NDUFA5: variants seen among roughly 807,000 people sequenced by gnomAD.
The protein encoded by NDUFA5 is NADH dehydrogenase [ubiquinone] 1 alpha subcomplex subunit 5.
Under a neutral mutation model 19.8 loss-of-function variants are expected in NDUFA5, and 11 were observed. That is an observed-to-expected ratio of 0.56 (90% confidence interval 0.35 to 0.92). NDUFA5 has a LOEUF of 0.92. Ranked by LOEUF, NDUFA5 falls within the 40% of genes least tolerant of loss-of-function variation. NDUFA5 has a pLI of 0.01. For synonymous variants in NDUFA5, 47 were observed against 46.8 expected (o/e 1.00, Z -0.01); for missense variants, 109 against 134.2 (o/e 0.81, Z 0.93).
At chr7:123,550,677 T>G in intron 2 of NDUFA5, 91 bp from the exon 3 acceptor site, 4 of 653,496 alleles carry the variant, frequency 6.1e-6, no homozygotes, top group Non-Finnish European at 1.0e-5. Flanking sequence ...CAAACAAAAC[T>G]CACATCTGTT....
In NDUFA5 at chr7:123,539,855, A is replaced by G. The variant is rs1797868135; in HGVS notation, c.*2264T>C. ...TATTTGTTCTTTACAGATAATTTTG[A>G]CAGAAAAGGTAAAGAGAGCAGGATC... On this transcript the variant is annotated 3_prime_UTR_variant, in exon 5 of 5. Coordinates refer to ENST00000355749, the MANE Select transcript of NDUFA5 (RefSeq NM_005000.5). The G allele has an allele frequency of 6.6e-6, 1 of 152,208 alleles. No homozygotes were observed. Among genetic ancestry groups the G allele is most frequent in the Admixed American group, 6.5e-5 (1 of 15,282 alleles). 9.4% of individuals were successfully genotyped at this position (152,208 alleles called of 1,614,324 possible). A position where few individuals can be genotyped will look rare whatever the true frequency, so the allele number is the denominator to read the frequency against.
chr7:123,587,597 A>T, the NDUFA5 span, among the ~76,000 whole-genome samples: 2 of 151,650 alleles, frequency 1.3e-5, no homozygotes, highest in Admixed American at 1.3e-4. Flanking sequence ...AGAAGTGACG[A>T]GAGAAGGCTT....
intron 1 of NDUFA5, 79 bp from the exon 2 acceptor site, chr7:123,557,527 C>T (rs769338796): frequency 4.0e-5 from 65 of 1,611,248 alleles, no homozygotes; most frequent in Non-Finnish European, 5.5e-5. Context: ...TACAAAACCA[C>T]GAATCCCCCG....
At chr7:123,556,635 C>A in intron 2 of NDUFA5, 1 of 297,912 alleles carries the variant, frequency 3.4e-6, no homozygotes, top group Non-Finnish European at 6.6e-6. Context: ...GCTATTAGGT[C>A]AATGAAGGTG....
At chr7:123,576,311 ACT>A in the NDUFA5 span, among the ~76,000 whole-genome samples, 3 of 147,142 alleles carry the variant, frequency 2.0e-5, no homozygotes, top group African/African-American at 7.6e-5. Context: ...TGTACTTTTT[ACT>A]CTTTTTTATA....
intron 2 of NDUFA5, among the ~76,000 whole-genome samples, chr7:123,550,995 G>C (rs927658545): frequency 2.0e-5 from 3 of 152,008 alleles, no homozygotes; most frequent in African/African-American, 7.2e-5. Context: ...GCATGATCTT[G>C]GCTCATTGCA....
chr7:123,542,606 A>G (rs1488949294), intron 4 of NDUFA5, among the ~76,000 whole-genome samples: 2 of 152,174 alleles, frequency 1.3e-5, no homozygotes, highest in Non-Finnish European at 2.9e-5. Flanking sequence ...TTTGAGTTCC[A>G]CAATACAAAC....
chr7:123,589,702 T>C, the NDUFA5 span, among the ~76,000 whole-genome samples: 1 of 152,178 alleles, frequency 6.6e-6, no homozygotes, highest in Non-Finnish European at 1.5e-5. Flanking sequence ...TGCCACATTT[T>C]CTTTATCCAG....
the NDUFA5 span, among the ~76,000 whole-genome samples, chr7:123,563,600 G>A: frequency 6.6e-6 from 1 of 152,326 alleles, no homozygotes; most frequent in South Asian, 2.1e-4. Flanking sequence ...GAAGCATGAA[G>A]TGAGTACATG....
the NDUFA5 span, among the ~76,000 whole-genome samples, chr7:123,576,168 T>C: frequency 6.6e-6 from 1 of 151,604 alleles, no homozygotes; most frequent in Non-Finnish European, 1.5e-5. Context: ...TCTTCTATAT[T>C]TTTTATGGTC....
At chr7:123,589,301 TTTA>T in the NDUFA5 span, among the ~76,000 whole-genome samples, 4,494 of 147,448 alleles carry the variant, frequency 0.03, 182 homozygotes, top group African/African-American at 0.097. Context: ...CTTTCATCTC[TTTA>T]TTATTATTAT....
At position 123,550,562 on chromosome 7, in the gene NDUFA5, T is replaced by C. The variant is rs753901874; in HGVS notation, c.91A>G (p.Ile31Val). Residue 31 changes from isoleucine (I) to valine (V), a missense_variant, in exon 3 of 5, where the codon ATT becomes GTT. Ile to Val is a conservative substitution (Grantham distance 29, BLOSUM62 3). Coordinates refer to ENST00000355749, the MANE Select transcript of NDUFA5 (RefSeq NM_005000.5). Reference protein sequence around the residue: ...HERLRILYTKILDVLEEIPKN... With the variant: ...HERLRILYTKVLDVLEEIPKN... ...GGGATTTCCTCAAGAACATCAAGAA[T>C]CTTTGTGTACAATATTCTTAGCCTC... 2.5e-5 allele frequency: 40 copies of C among 1,607,292 alleles called. 1 individual carries two copies. In the East Asian group the frequency reaches 8.3e-4, roughly 33 times the overall value.
intron 2 of NDUFA5, chr7:123,555,172 A>G (rs922105162): frequency 4.6e-5 from 7 of 152,250 alleles, no homozygotes; most frequent in Non-Finnish European, 7.3e-5. Flanking sequence ...ATGTCACATT[A>G]TAAGTGGTTC....
chr7:123,563,441 A>C, the NDUFA5 span, among the ~76,000 whole-genome samples: 1 of 152,200 alleles, frequency 6.6e-6, no homozygotes, highest in Admixed American at 6.5e-5. Context: ...GAACACAAAT[A>C]ACATTTAAGT....
upstream of NDUFA5, among the ~76,000 whole-genome samples, chr7:123,562,416 T>C (rs1006912504): frequency 6.6e-6 from 1 of 152,192 alleles, no homozygotes; most frequent in African/African-American, 2.4e-5. Flanking sequence ...ATAGCATCTT[T>C]TTCCCATAGA....
chr7:123,561,320 C>T (rs1182132695), upstream of NDUFA5, among the ~76,000 whole-genome samples: 2 of 152,314 alleles, frequency 1.3e-5, no homozygotes, highest in South Asian at 4.1e-4. Flanking sequence ...GTCATTTAAA[C>T]AATATTCACA....
At position 123,557,790 on chromosome 7, in the gene NDUFA5, C is replaced by A. The variant is rs1163894218; in HGVS notation, c.6G>T (p.Ala2=). 5.6e-6 allele frequency: 9 copies of A among 1,613,982 alleles called. No homozygotes were observed. Among genetic ancestry groups the A allele is most frequent in the African/African-American group, 5.3e-5 (4 of 74,892 alleles). M[A]GVLKKTTGLV... ...TTCGTCTCACCTTCTTCAGCACACCCGCCATGACAGCGCCAACGACTCGGT... is the reference window on the plus strand; with the variant it reads ...TTCGTCTCACCTTCTTCAGCACACCAGCCATGACAGCGCCAACGACTCGGT... Residue 2 remains alanine, a synonymous_variant, in exon 1 of 5, where the codon GCG becomes GCT. Transcript: ENST00000355749.
the NDUFA5 span, among the ~76,000 whole-genome samples, chr7:123,589,608 G>C: frequency 6.6e-6 from 1 of 151,958 alleles, no homozygotes; most frequent in African/African-American, 2.4e-5. Context: ...GCTGAGAATG[G>C]TGGTTTCCAG....
At chr7:123,566,949 G>A in the NDUFA5 span, 1 of 152,144 alleles carries the variant, frequency 6.6e-6, no homozygotes, top group Non-Finnish European at 1.5e-5. Context: ...ATCATTGTAG[G>A]ATGTATTCTA....
Sources: gnomAD v4.1 joint callset for allele counts (sites outside exome capture counted in the v4.1 genomes callset) on GRCh38, gnomAD v4.1.1 for gene constraint, MANE v1.5 for transcripts, NCBI Gene and HGNC (gene_info 2026-07-23, HGNC 2026-07-21) for gene names.